SMAP1: variants seen among roughly 807,000 people sequenced by gnomAD.
The protein encoded by SMAP1 is small ArfGAP 1, also known as stromal membrane-associated protein 1.
A neutral mutation model predicts 58.5 loss-of-function variants in SMAP1; 24 were observed. The ratio of observed to expected loss-of-function variants is 0.41; its 90% CI spans 0.30 to 0.58. SMAP1 has a LOEUF of 0.58. Among genes scored for constraint, SMAP1 ranks in the 20% least tolerant of loss-of-function variants. The pLI is 0.29. For missense variants in SMAP1, 563 were observed against 566.3 expected (o/e 0.99, Z 0.06); for synonymous variants, 216 against 196.6 (o/e 1.10, Z -0.82).
chr6:70,788,907 G>A (rs188459682), intron 4 of SMAP1, among the ~76,000 whole-genome samples: 7 of 152,162 alleles, frequency 4.6e-5, no homozygotes, highest in Admixed American at 6.5e-5. Context: ...TTGGAGAGGA[G>A]CAAGATTTGG....
chr6:70,691,690 A>G (rs1767175242), intron 1 of SMAP1, among the ~76,000 whole-genome samples: 1 of 152,172 alleles, frequency 6.6e-6, no homozygotes, highest in Non-Finnish European at 1.5e-5. Context: ...TAGCTCCTAT[A>G]AAAGAGTGAG....
chr6:70,759,861 A>G (rs1766675890), intron 3 of SMAP1: 1 of 450,068 alleles, frequency 2.2e-6, no homozygotes, highest in African/African-American at 2.0e-5. Context: ...CAGCTGTAAT[A>G]ACTTTACTGC....
chr6:70,803,153 G>T (rs1168373756), intron 6 of SMAP1, among the ~76,000 whole-genome samples: 1 of 152,048 alleles, frequency 6.6e-6, no homozygotes, highest in African/African-American at 2.4e-5. Context: ...TTTTTGGTTG[G>T]TAGGCTATTA....
chr6:70,732,626 C>T (rs999252334), intron 2 of SMAP1, 115 bp downstream of exon 2: 7 of 834,264 alleles, frequency 8.4e-6, no homozygotes, highest in Non-Finnish European at 9.8e-6. Flanking sequence ...GTTGAAATGG[C>T]ATATGCCACG....
chr6:70,680,241 G>C (rs1054494302), intron 1 of SMAP1, among the ~76,000 whole-genome samples: 1 of 152,140 alleles, frequency 6.6e-6, no homozygotes, highest in African/African-American at 2.4e-5. Context: ...ACTGCTAGAA[G>C]AAAACATGGG....
intron 5 of SMAP1, among the ~76,000 whole-genome samples, chr6:70,794,783 C>CTTT (rs1369097243): frequency 1.5e-5 from 2 of 129,554 alleles, no homozygotes. Context: ...GCCACATTTT[C>CTTT]TTTTCTTTTT....
intron 6 of SMAP1, among the ~76,000 whole-genome samples, chr6:70,813,978 A>C (rs2149973375): frequency 6.6e-6 from 1 of 152,332 alleles, no homozygotes; most frequent in South Asian, 2.1e-4. Context: ...AGGAAATAAA[A>C]TTTAACCTGA....
intron 6 of SMAP1, among the ~76,000 whole-genome samples, chr6:70,820,747 G>T (rs1054315424): frequency 1.3e-5 from 2 of 151,132 alleles, no homozygotes; most frequent in Admixed American, 1.3e-4. Flanking sequence ...AAGATAATTT[G>T]ATCAAGTGAG....
At chr6:70,685,969 C>T (rs978586275) in intron 1 of SMAP1, among the ~76,000 whole-genome samples, 1 of 151,928 alleles carries the variant, frequency 6.6e-6, no homozygotes, top group Admixed American at 6.6e-5. Context: ...GTAGTGGCAC[C>T]ACAATGGCTC....
At chr6:70,829,247 G>GT (rs542604909) in intron 6 of SMAP1, among the ~76,000 whole-genome samples, 13 of 149,800 alleles carry the variant, frequency 8.7e-5, no homozygotes, top group Non-Finnish European at 1.3e-4. Flanking sequence ...TTTTTTTTCT[G>GT]TTTTTTTCTT....
intron 4 of SMAP1, among the ~76,000 whole-genome samples, chr6:70,787,757 C>G (rs1486666035): frequency 1.3e-5 from 2 of 151,684 alleles, no homozygotes; most frequent in African/African-American, 4.8e-5. Context: ...GAGATACCGT[C>G]TCACACCAGT....
chr6:70,796,211 C>G (rs769181182), intron 5 of SMAP1, among the ~76,000 whole-genome samples: 1 of 152,042 alleles, frequency 6.6e-6, no homozygotes, highest in African/African-American at 2.4e-5. Flanking sequence ...TTAAAAGAGC[C>G]AAAACAGTGC....
chr6:70,835,510 CATTTT>C (rs1770544162), intron 6 of SMAP1, among the ~76,000 whole-genome samples: 1 of 151,918 alleles, frequency 6.6e-6, no homozygotes, highest in South Asian at 2.1e-4. Flanking sequence ...TTATTTATTT[CATTTT>C]GTTTTTAAGA....
intron 3 of SMAP1, among the ~76,000 whole-genome samples, chr6:70,770,984 T>G (rs1055068796): frequency 7.9e-5 from 12 of 152,324 alleles, no homozygotes; most frequent in South Asian, 2.1e-4. Context: ...ACCCTCAGCT[T>G]CAGGTCTGTT....
intron 1 of SMAP1, among the ~76,000 whole-genome samples, chr6:70,683,394 A>G (rs1766807336): frequency 6.6e-6 from 1 of 150,690 alleles, no homozygotes; most frequent in African/African-American, 2.4e-5. Flanking sequence ...CTGGTCTTGA[A>G]CTCCTGACCT....
chr6:70,767,174 G>A (rs1256309792), intron 3 of SMAP1, among the ~76,000 whole-genome samples: 1 of 152,020 alleles, frequency 6.6e-6, no homozygotes, highest in Non-Finnish European at 1.5e-5. Context: ...TTGAAGTCAG[G>A]TAGCGTGATG....
At chr6:70,847,356 A>AT (rs1771032924) in intron 7 of SMAP1, among the ~76,000 whole-genome samples, 1 of 152,084 alleles carries the variant, frequency 6.6e-6, no homozygotes, top group South Asian at 2.1e-4. Context: ...GATTTTAACA[A>AT]TTTTTTTCTG....
chr6:70,756,465 T>G (rs193186786), intron 3 of SMAP1, among the ~76,000 whole-genome samples: 5 of 152,246 alleles, frequency 3.3e-5, no homozygotes, highest in Admixed American at 3.3e-4. Flanking sequence ...GAAGCTGTAT[T>G]TGTTATAGAA....
rs373281673 is a variant in SMAP1 at position 70,813,013 on chromosome 6, A to C, written c.576+14276A>C. ...AAAAACTGTGGAAAATAGAGGAAAA[A>C]ATAAAAAGGAAAATCACCTTACATC... is the stretch of plus-strand genomic sequence containing the variant. On this transcript the variant is annotated intron_variant, in intron 6 of 10. Coordinates refer to ENST00000370455, the MANE Select transcript of SMAP1 (RefSeq NM_001044305.3). 1.4e-3 allele frequency among the ~76,000 whole-genome samples: 217 copies of C among 152,254 alleles called. 9 individuals carry two copies. In the South Asian group the frequency reaches 0.043, roughly 30 times the overall value.
Sources: allele counts gnomAD v4.1 joint callset (sites outside exome capture counted in the v4.1 genomes callset), GRCh38; gene constraint gnomAD v4.1.1; transcripts MANE v1.5; gene names NCBI Gene and HGNC (gene_info 2026-07-23, HGNC 2026-07-21).